Variants in NRG3 observed in about 807,000 individuals in gnomAD.
NRG3 encodes the protein pro-neuregulin-3, membrane-bound isoform.
Under a neutral mutation model 66.9 loss-of-function variants are expected in NRG3, and 31 were observed. That is an observed-to-expected ratio of 0.46 (90% CI 0.35 to 0.63). The LOEUF (loss-of-function observed/expected upper bound fraction) is 0.63, where lower values mean the gene tolerates loss of function less well. NRG3 is among the 20% of genes least tolerant of loss of function. NRG3 has a pLI of 0.00. For synonymous variants in NRG3, 393 were observed against 359.4 expected, an observed-to-expected ratio of 1.09 and a Z score of -1.06; for missense variants, 910 against 878.9, an observed-to-expected ratio of 1.04 and a Z score of -0.45.
intron 2 of NRG3, among the ~76,000 whole-genome samples, chr10:82,395,375 T>C (rs1275831671): frequency 1.3e-5 from 2 of 152,128 alleles, no homozygotes; most frequent in African/African-American, 2.4e-5. Flanking sequence ...CCAAGCACAT[T>C]GCAGATGTGA....
At chr10:82,855,363 A>G (rs1438800638) in intron 3 of NRG3, among the ~76,000 whole-genome samples, 3 of 151,458 alleles carry the variant, frequency 2.0e-5, no homozygotes, top group African/African-American at 4.9e-5. Flanking sequence ...CCCCTATTTT[A>G]TTCTAACCCT....
At chr10:82,461,116 C>T (rs1290824470) in intron 2 of NRG3, among the ~76,000 whole-genome samples, 2 of 151,962 alleles carry the variant, frequency 1.3e-5, no homozygotes, top group Non-Finnish European at 2.9e-5. Context: ...AAATCATCAC[C>T]ATTACCACCA....
At chr10:82,658,087 C>G (rs1457752777) in intron 2 of NRG3, among the ~76,000 whole-genome samples, 1 of 152,024 alleles carries the variant, frequency 6.6e-6, no homozygotes, top group African/African-American at 2.4e-5. Flanking sequence ...CAGACAAAGA[C>G]TTTACAAGAA....
At chr10:81,971,197 G>A (rs1176822906) in intron 1 of NRG3, among the ~76,000 whole-genome samples, 8 of 152,172 alleles carry the variant, frequency 5.3e-5, no homozygotes, top group African/African-American at 9.6e-5. Context: ...GAAGAGCCCC[G>A]AGGCTTAAGC....
intron 1 of NRG3, among the ~76,000 whole-genome samples, chr10:81,962,206 C>T (rs1241521482): frequency 6.6e-6 from 1 of 152,166 alleles, no homozygotes; most frequent in Non-Finnish European, 1.5e-5. Context: ...TTAAAGAAAT[C>T]TCAGCCTTGG....
At chr10:81,934,267 T>A (rs1185387925) in intron 1 of NRG3, among the ~76,000 whole-genome samples, 1 of 152,208 alleles carries the variant, frequency 6.6e-6, no homozygotes, top group Non-Finnish European at 1.5e-5. Flanking sequence ...CCTTTTCTGT[T>A]GCATAAACAG....
At chr10:81,918,880 G>A (rs1021103870) in intron 1 of NRG3, among the ~76,000 whole-genome samples, 1 of 150,466 alleles carries the variant, frequency 6.6e-6, no homozygotes, top group African/African-American at 2.4e-5. Flanking sequence ...GCAATTTTCT[G>A]TCAAACGAGT....
intron 1 of NRG3, among the ~76,000 whole-genome samples, chr10:81,925,056 C>A (rs1846637298): frequency 6.6e-6 from 1 of 152,138 alleles, no homozygotes; most frequent in Non-Finnish European, 1.5e-5. Context: ...TCATTTGACC[C>A]CTGTGAGATT....
At chr10:82,041,784 C>T (rs1164935416) in intron 1 of NRG3, among the ~76,000 whole-genome samples, 1 of 147,780 alleles carries the variant, frequency 6.8e-6, no homozygotes, top group African/African-American at 2.5e-5. Flanking sequence ...TTCCTTTTTG[C>T]CATATGAAAG....
At chr10:82,415,639 T>C (rs2088498281) in intron 2 of NRG3, among the ~76,000 whole-genome samples, 1 of 152,184 alleles carries the variant, frequency 6.6e-6, no homozygotes, top group South Asian at 2.1e-4. Context: ...CACACTTGAA[T>C]TTATTTTAAG....
chr10:82,204,381 A>G (rs1236651859), intron 1 of NRG3, among the ~76,000 whole-genome samples: 3 of 152,226 alleles, frequency 2.0e-5, no homozygotes, highest in Admixed American at 6.5e-5. Context: ...GGCTGCCCTG[A>G]TTAGCTCTCA....
chr10:82,411,256 A>G, intron 2 of NRG3, among the ~76,000 whole-genome samples: 1 of 152,150 alleles, frequency 6.6e-6, no homozygotes, highest in South Asian at 2.1e-4. Context: ...TATAAGGAGG[A>G]AAGGAAGGAA....
rs533763611 is a variant in NRG3 at position 82,498,578 on chromosome 10, G to A, written c.953+139710G>A. 1.5e-3 allele frequency among the ~76,000 whole-genome samples: 236 copies of A among 152,264 alleles called. 1 individual carries two copies. The highest frequency in any genetic ancestry group is 5.3e-3 in the African/African-American group (222 of 41,554). ...AATTGCTTTTCACCTTTGAAATTTA[G>A]TGAGTTCATTACAGCTGGGAGGCAG... On this transcript the variant is annotated intron_variant, in intron 2 of 8. Transcript: ENST00000372141.
intron 3 of NRG3, among the ~76,000 whole-genome samples, chr10:82,813,049 T>C (rs2061555614): frequency 6.6e-6 from 1 of 152,090 alleles, no homozygotes; most frequent in African/African-American, 2.4e-5. Context: ...CTCAAGAAAT[T>C]TATCAGCAGG....
intron 2 of NRG3, among the ~76,000 whole-genome samples, chr10:82,542,718 TA>T (rs1465465935): frequency 2.0e-5 from 3 of 152,186 alleles, no homozygotes; most frequent in Non-Finnish European, 4.4e-5. Context: ...GCCAAAGGCA[TA>T]AAAGCTGAAT....
intron 1 of NRG3, among the ~76,000 whole-genome samples, chr10:82,150,410 C>T (rs1358915025): frequency 6.6e-6 from 1 of 151,888 alleles, no homozygotes; most frequent in Non-Finnish European, 1.5e-5. Flanking sequence ...GAGCATCCCC[C>T]CGCCAACTCC....
intron 3 of NRG3, among the ~76,000 whole-genome samples, chr10:82,813,211 C>CTTTT (rs58875697): frequency 0.01 from 1,123 of 111,924 alleles, 4 homozygotes; most frequent in Non-Finnish European, 0.013. Context: ...CTCTGTTTCT[C>CTTTT]TTTTTTTTTT....
intron 3 of NRG3, among the ~76,000 whole-genome samples, chr10:82,742,689 G>C (rs573863555): frequency 2.8e-4 from 42 of 152,160 alleles, no homozygotes; most frequent in Admixed American, 2.7e-3. Flanking sequence ...CATTCTTGAA[G>C]GGCATATTTC....
intron 2 of NRG3, among the ~76,000 whole-genome samples, chr10:82,499,781 A>G (rs1178050811): frequency 2.6e-5 from 4 of 152,168 alleles, no homozygotes; most frequent in Admixed American, 1.3e-4. Context: ...TACTTTTATG[A>G]TTATATACAG....
Sources: allele counts gnomAD v4.1 joint callset (sites outside exome capture counted in the v4.1 genomes callset), GRCh38; gene constraint gnomAD v4.1.1; transcripts MANE v1.5; gene names NCBI Gene and HGNC (gene_info 2026-07-23, HGNC 2026-07-21).